Variants in PFKFB3 observed in about 807,000 individuals in gnomAD.
PFKFB3 encodes the protein 6-phosphofructo-2-kinase/fructose-2,6-biphosphatase 3, also known as 6-phosphofructo-2-kinase/fructose-2,6-bisphosphatase 3.
A neutral mutation model predicts 68.0 loss-of-function variants in PFKFB3; 33 were observed. The ratio of observed to expected loss-of-function variants is 0.49; its 90% CI spans 0.37 to 0.65. The LOEUF is 0.65. Ranked by LOEUF, PFKFB3 falls within the 30% of genes least tolerant of loss-of-function variation. The pLI is 0.00. For synonymous variants in PFKFB3, 315 were observed against 288.2 expected, an observed-to-expected ratio of 1.09 and a Z score of -0.94; for missense variants, 586 against 712.2, an observed-to-expected ratio of 0.82 and a Z score of 2.02.
chr10:6,268,497 C>G, the PFKFB3 span, among the ~76,000 whole-genome samples: 1 of 151,958 alleles, frequency 6.6e-6, no homozygotes, highest in South Asian at 2.1e-4. Context: ...TGTTTGCGTG[C>G]ACCTGTAATC....
In PFKFB3 at chr10:6,177,392, CT is replaced by C. The variant is rs770807288; in HGVS notation, c.16+32382del. Among the ~76,000 whole-genome samples, 232 of 135,090 alleles carry C rather than the reference CT, an allele frequency of 1.7e-3. 1 individual carries two copies. In the Middle Eastern group the frequency reaches 0.018, roughly 11 times the overall value. 88.6% of individuals were successfully genotyped at this position (135,090 alleles called of 152,430 possible). ...TCTTTCTTTCTTTCTTTCTTTCTTT[CT>C]TTCTTTCTTTCTTTCTTCTTTCTCT... On this transcript the variant is annotated intron_variant, in intron 1 of 14. Transcript: ENST00000379789.
rs1356467472 is a variant in PFKFB3, at chr10:6,230,637, AG to A, written c.1516-2255del. 2.0e-5 allele frequency among the ~76,000 whole-genome samples: 3 copies of A among 151,184 alleles called. No homozygotes were observed. In the East Asian group the frequency reaches 5.8e-4, roughly 29 times the overall value. ...CCTTTGGATACCCTCCTGTAACCTG[AG>A]GGATTTCTTCTCTGGGGCAGCAGGA... On this transcript the variant is annotated intron_variant, in intron 14 of 14. Transcript: ENST00000379775.
chr10:6,255,897 G>A (rs985803074), downstream of PFKFB3, among the ~76,000 whole-genome samples: 1 of 152,194 alleles, frequency 6.6e-6, no homozygotes, highest in Non-Finnish European at 1.5e-5. Context: ...AGGGAGCGTT[G>A]GCGGGGTGGG....
At chr10:6,292,272 T>TTTTTTC in the PFKFB3 span, among the ~76,000 whole-genome samples, 5 of 129,380 alleles carry the variant, frequency 3.9e-5, no homozygotes, top group South Asian at 2.5e-4. Context: ...TGTACTTTTT[T>TTTTTTC]TTTTTCTTTT....
At position 6,224,233 on chromosome 10, in the gene PFKFB3, C is replaced by T. The variant is rs946482454; in HGVS notation, c.1341+20C>T. On this transcript the variant is annotated intron_variant, in intron 13 of 14. Coordinates refer to ENST00000379775, the MANE Select transcript of PFKFB3 (RefSeq NM_004566.4). The stretch of plus-strand genomic sequence containing the variant: ...TCAGAGGTGAGTGGAGGCCCCAAGC[C>T]TCATCCTGGCCATCATCACACGATA... The T allele has an allele frequency of 1.2e-6, 2 of 1,611,762 alleles. No homozygotes were observed. The highest frequency in any genetic ancestry group is 1.7e-6 in the Non-Finnish European group (2 of 1,178,554).
At chr10:6,315,312 G>A in the PFKFB3 span, among the ~76,000 whole-genome samples, 1 of 152,194 alleles carries the variant, frequency 6.6e-6, no homozygotes, top group Non-Finnish European at 1.5e-5. Context: ...CAGACCCCAA[G>A]AGAGGGTTCT....
chr10:6,145,155 C>A, intron 1 of PFKFB3: 1 of 557,626 alleles, frequency 1.8e-6, no homozygotes, highest in Non-Finnish European at 2.7e-6. Context: ...CGGGGCCAAG[C>A]GAGACGCGCT....
At chr10:6,269,948 T>C in the PFKFB3 span, among the ~76,000 whole-genome samples, 1 of 151,932 alleles carries the variant, frequency 6.6e-6, no homozygotes, top group East Asian at 1.9e-4. Context: ...CTGGCCAACA[T>C]GGTGAGACCC....
chr10:6,225,390 C>A, intron 13 of PFKFB3: 2 of 365,998 alleles, frequency 5.5e-6, no homozygotes, highest in South Asian at 2.0e-5. Context: ...GTCCCTGTCA[C>A]CCCCTCCACT....
chr10:6,211,156 G>A (rs532082615), intron 1 of PFKFB3, among the ~76,000 whole-genome samples: 2 of 152,108 alleles, frequency 1.3e-5, no homozygotes, highest in African/African-American at 2.4e-5. Flanking sequence ...AGTTTATTTG[G>A]GTTTGAAATC....
chr10:6,169,546 C>T (rs1278082854), intron 1 of PFKFB3, among the ~76,000 whole-genome samples: 1 of 152,046 alleles, frequency 6.6e-6, no homozygotes, highest in African/African-American at 2.4e-5. Context: ...TTCCCCAGGC[C>T]CTGAGGGTTC....
Position 6,226,772 on chromosome 10 carries a change from T to A in PFKFB3, c.1515+407T>A, listed in dbSNP as rs17152173. Among the ~76,000 whole-genome samples, 734 of 152,224 alleles carry A rather than the reference T, an allele frequency of 4.8e-3. 38 individuals are homozygous for A. The South Asian group carries it at 0.068, about 14-fold the overall frequency. On this transcript the variant is annotated intron_variant, in intron 14 of 14. Coordinates refer to ENST00000379775, the MANE Select transcript of PFKFB3 (RefSeq NM_004566.4). Reference sequence around the variant, plus strand: ...CTTTCTCACATAAATAACATGGTTATCCCAGCAGGTAGTAAAAAACCTAAC... The same window carrying A: ...CTTTCTCACATAAATAACATGGTTAACCCAGCAGGTAGTAAAAAACCTAAC...
chr10:6,271,447 G>A, the PFKFB3 span, among the ~76,000 whole-genome samples: 6 of 152,248 alleles, frequency 3.9e-5, no homozygotes, highest in African/African-American at 1.4e-4. Flanking sequence ...TGAATGGCAG[G>A]ATGAAGAGCC....
At chr10:6,218,531 C>T (rs1271909665) in intron 6 of PFKFB3, among the ~76,000 whole-genome samples, 3 of 151,920 alleles carry the variant, frequency 2.0e-5, no homozygotes, top group African/African-American at 4.8e-5. Context: ...CGGGTTCAAG[C>T]GATTCTCCTG....
At chr10:6,297,222 C>T in the PFKFB3 span, among the ~76,000 whole-genome samples, 3 of 152,312 alleles carry the variant, frequency 2.0e-5, no homozygotes, top group East Asian at 3.9e-4. Flanking sequence ...CAGGGTCCCC[C>T]GGCCCCTGCT....
intron 13 of PFKFB3, among the ~76,000 whole-genome samples, chr10:6,225,582 C>T (rs1044509799): frequency 2.6e-5 from 4 of 152,238 alleles, no homozygotes; most frequent in Admixed American, 6.5e-5. Context: ...GGCCCACACC[C>T]CATCACGCTG....
chr10:6,177,850 G>A (rs1427716140), intron 1 of PFKFB3, among the ~76,000 whole-genome samples: 1 of 152,140 alleles, frequency 6.6e-6, no homozygotes, highest in Non-Finnish European at 1.5e-5. Flanking sequence ...GGGATAAGGT[G>A]GGGAACTTGG....
At chr10:6,260,827 T>C in the PFKFB3 span, among the ~76,000 whole-genome samples, 3 of 152,218 alleles carry the variant, frequency 2.0e-5, no homozygotes, top group African/African-American at 7.2e-5. Flanking sequence ...TTTTTTACTA[T>C]TATGAATAAT....
intron 14 of PFKFB3, among the ~76,000 whole-genome samples, chr10:6,232,160 T>C (rs1845788472): frequency 6.6e-6 from 1 of 150,746 alleles, no homozygotes; most frequent in Non-Finnish European, 1.5e-5. Flanking sequence ...TTTTGAGGCG[T>C]AGGTGAAGCA....
Sources: gnomAD v4.1 joint callset for allele counts (sites outside exome capture counted in the v4.1 genomes callset) on GRCh38, gnomAD v4.1.1 for gene constraint, MANE v1.5 for transcripts, NCBI Gene and HGNC (gene_info 2026-07-23, HGNC 2026-07-21) for gene names.